Variants in DHRS4L2 observed in about 807,000 individuals in gnomAD.
DHRS4L2 encodes dehydrogenase/reductase 4 like 2.
In DHRS4L2, 22 loss-of-function variants were observed where a neutral mutation model predicts 23.9. The observed-to-expected ratio is 0.92, with a 90% CI of 0.66 to 1.31. DHRS4L2 has a LOEUF of 1.31. Ranked by LOEUF, DHRS4L2 falls within the 40% of genes most tolerant of loss-of-function variation. The probability of loss-of-function intolerance (pLI) is 0.00; values close to 1 mark genes in which losing one functional copy is unlikely to be tolerated. For missense variants in DHRS4L2, 385 were observed against 303.3 expected (o/e 1.27, Z -2.00); for synonymous variants, 141 against 123.7 (o/e 1.14, Z -0.93).
chr14:23,971,844 A>G (rs980323964), intron 1 of DHRS4L2, among the ~76,000 whole-genome samples: 8 of 152,070 alleles, frequency 5.3e-5, no homozygotes, highest in African/African-American at 1.7e-4. Context: ...CTAAACATGG[A>G]AAGGAACAAC....
At chr14:23,999,343 G>A (rs945748418) in intron 3 of DHRS4L2, among the ~76,000 whole-genome samples, 8 of 56,752 alleles carry the variant, frequency 1.4e-4, no homozygotes, top group East Asian at 5.5e-4. Context: ...ACTCCAATTT[G>A]TAAAAAAAAA....
chr14:23,987,256 G>C, upstream of DHRS4L2: 1 of 334,358 alleles, frequency 3.0e-6, no homozygotes, highest in South Asian at 2.1e-5. Context: ...TCAGCCTCCC[G>C]AGTAGCTGGG....
At chr14:23,987,064 G>T (rs1315725296), upstream of DHRS4L2, among the ~76,000 whole-genome samples, 3 of 151,664 alleles carry the variant, frequency 2.0e-5, no homozygotes, top group African/African-American at 7.3e-5. Context: ...GAAAACACTA[G>T]AAATCCAGTG....
intron 3 of DHRS4L2, among the ~76,000 whole-genome samples, chr14:23,996,015 T>A (rs886864846): frequency 6.6e-6 from 1 of 151,698 alleles, no homozygotes; most frequent in Non-Finnish European, 1.5e-5. Context: ...TGATGAGGCC[T>A]CAGGAAGCTT....
At chr14:23,972,726 C>T (rs981049208) in intron 1 of DHRS4L2, among the ~76,000 whole-genome samples, 4 of 152,072 alleles carry the variant, frequency 2.6e-5, no homozygotes, top group African/African-American at 2.4e-5. Context: ...GCACCGGCAC[C>T]GGTCTCTGAA....
intron 1 of DHRS4L2, among the ~76,000 whole-genome samples, chr14:23,982,716 T>C (rs1025549675): frequency 6.6e-6 from 1 of 151,066 alleles, no homozygotes; most frequent in Non-Finnish European, 1.5e-5. Flanking sequence ...GGATTCCCTA[T>C]TTTATAAATG....
chr14:23,993,846 A>C (rs1182924017), intron 2 of DHRS4L2, among the ~76,000 whole-genome samples: 7 of 151,716 alleles, frequency 4.6e-5, no homozygotes, highest in East Asian at 3.9e-4. Context: ...CAGCTGGTTT[A>C]CTAATGACCC....
At chr14:23,987,128 C>T, upstream of DHRS4L2, 1 of 283,972 alleles carries the variant, frequency 3.5e-6, no homozygotes, top group South Asian at 2.7e-5. Context: ...TGTTGAAATC[C>T]TTGTTTTTTT....
intron 2 of DHRS4L2, among the ~76,000 whole-genome samples, chr14:23,991,213 A>G (rs2034262032): frequency 6.6e-6 from 1 of 151,736 alleles, no homozygotes; most frequent in Non-Finnish European, 1.5e-5. Context: ...ATCTTAAGCA[A>G]TAGTAGACAG....
At chr14:23,983,937 C>T (rs188272519), upstream of DHRS4L2, among the ~76,000 whole-genome samples, 29 of 151,364 alleles carry the variant, frequency 1.9e-4, 1 homozygote, top group East Asian at 5.0e-3. Flanking sequence ...ATATAGATGA[C>T]GTGTTGATGG....
intron 2 of DHRS4L2, chr14:23,990,868 C>T: frequency 1.7e-6 from 1 of 601,386 alleles, no homozygotes; most frequent in Non-Finnish European, 2.1e-6. Context: ...ATAGCTGGAG[C>T]AACTTCCCAA....
rs201206047 is a variant in DHRS4L2 at position 23,990,178 on chromosome 14, A to G, written c.129-4A>G. On this transcript the variant is annotated splice_region_variant and splice_polypyrimidine_tract_variant and intron_variant, in intron 1 of 7. Coordinates refer to ENST00000335125, the MANE Select transcript of DHRS4L2 (RefSeq NM_198083.4). ...TAGCAGTCTTTGTCTCTTTCTGCTC[A>G]CAGGATCGGCTTCGCCATCGCCCGG... 8.3e-4 allele frequency: 1,331 copies of G among 1,612,632 alleles called. 22 individuals are homozygous for G. In the East Asian group the frequency reaches 0.026, roughly 32 times the overall value.
In DHRS4L2 at chr14:24,004,344, T is replaced by C. The variant is rs763748555; in HGVS notation, c.673T>C (p.Trp225Arg). 4.3e-5 allele frequency: 69 copies of C among 1,594,332 alleles called. 3 individuals are homozygous for C. Among genetic ancestry groups the C allele is most frequent in the Non-Finnish European group, 5.0e-5 (59 of 1,176,150 alleles). ...TTTCCCTTCTTCCTACAGCTCTGGA[T>C]GGACAAGGAAAAAGAGGAAAGCATG... Reference protein sequence around the residue: ...SRLASAGCSGWTRKKRKA With the variant: ...SRLASAGCSGRTRKKRKA Residue 225 changes from tryptophan to arginine, a missense_variant, in exon 7 of 8, where the codon TGG (tryptophan) becomes CGG (arginine). Transcript: ENST00000335125.
intron 1 of DHRS4L2, 42 bp downstream of exon 1, chr14:23,989,117 G>T: frequency 6.5e-7 from 1 of 1,548,700 alleles, no homozygotes; most frequent in Non-Finnish European, 8.7e-7. Flanking sequence ...TGGCTGCCTG[G>T]AAACATGCAC....
At chr14:23,997,092 T>A (rs2034397941) in intron 3 of DHRS4L2, among the ~76,000 whole-genome samples, 1 of 148,276 alleles carries the variant, frequency 6.7e-6, no homozygotes, top group African/African-American at 2.5e-5. Flanking sequence ...TATAATAAAG[T>A]GAGTCACATG....
At position 23,988,970 on chromosome 14, in the gene DHRS4L2, G is replaced by C; in HGVS notation, c.23G>C (p.Gly8Ala). The change falls in exon 1 of 8, where the codon GGC becomes GCC. Residue 8 changes from glycine (G) to alanine (A), a missense_variant. Transcript: ENST00000335125. ...TCCATGCAGATGGCCAGGCTGCTAGGCCTCTGTGCCTGGGCACGGAAGTCG... is the reference window on the plus strand; with the variant it reads ...TCCATGCAGATGGCCAGGCTGCTAGCCCTCTGTGCCTGGGCACGGAAGTCG... MQMARLLGLCAWARKSVR... is the reference protein window; with the variant it reads MQMARLLALCAWARKSVR... The C allele has an allele frequency of 6.2e-7, 1 of 1,612,160 alleles. No homozygotes were observed. Among genetic ancestry groups the C allele is most frequent in the Non-Finnish European group, 8.5e-7 (1 of 1,179,138 alleles).
chr14:23,988,745 G>A, upstream of DHRS4L2: 1 of 1,372,360 alleles, frequency 7.3e-7, no homozygotes, highest in Non-Finnish European at 9.5e-7. Flanking sequence ...GGGAAGGCAA[G>A]CCCCAGTCAG....
At chr14:24,004,044 GC>G (rs1324346318) in intron 6 of DHRS4L2, among the ~76,000 whole-genome samples, 5 of 130,716 alleles carry the variant, frequency 3.8e-5, no homozygotes, top group Admixed American at 3.6e-4. Context: ...GCCGAGGCGG[GC>G]AGATCACGAG....
upstream of DHRS4L2, among the ~76,000 whole-genome samples, chr14:23,984,062 G>C (rs1197434429): frequency 6.6e-6 from 1 of 151,240 alleles, no homozygotes; most frequent in Non-Finnish European, 1.5e-5. Context: ...GTAAAAAAAA[G>C]AAATTAAAAA....
Sources: gnomAD v4.1 joint callset for allele counts (sites outside exome capture counted in the v4.1 genomes callset) on GRCh38, gnomAD v4.1.1 for gene constraint, MANE v1.5 for transcripts, NCBI Gene and HGNC (gene_info 2026-07-23, HGNC 2026-07-21) for gene names.